RAP1B: variants seen among roughly 807,000 people sequenced by gnomAD.
RAP1B encodes the protein RAP1B, member of RAS oncogene family, also known as ras-related protein Rap-1b.
RAP1B carries 1 observed loss-of-function variant against 27.5 expected under a neutral mutation model. That is an observed-to-expected ratio of 0.04 (90% CI 0.01 to 0.17). The LOEUF is 0.17. Ranked by LOEUF, RAP1B falls within the 10% of genes least tolerant of loss-of-function variation. The pLI, the probability that RAP1B is intolerant of heterozygous loss-of-function variation, is 1.00. For missense variants in RAP1B, 84 were observed against 214.8 expected (o/e 0.39, Z 3.81); for synonymous variants, 75 against 73.1 (o/e 1.03, Z -0.13).
At chr12:68,632,213 C>G (rs1199906920) in intron 1 of RAP1B, among the ~76,000 whole-genome samples, 2 of 148,602 alleles carry the variant, frequency 1.3e-5, no homozygotes, top group Admixed American at 6.8e-5. Context: ...TCTCAGCTCA[C>G]TGCAACCTCC....
At chr12:68,650,358 C>G in intron 2 of RAP1B, 42 bp from the exon 3 acceptor site, 1 of 1,458,332 alleles carries the variant, frequency 6.9e-7, no homozygotes, top group Non-Finnish European at 9.2e-7. Flanking sequence ...TGAATGTACT[C>G]TTTTCTTTAG....
At chr12:68,616,559 C>T (rs1476475396) in intron 1 of RAP1B, among the ~76,000 whole-genome samples, 1 of 150,328 alleles carries the variant, frequency 6.7e-6, no homozygotes, top group African/African-American at 2.4e-5. Context: ...AGATCTCCTG[C>T]CTTAGCTAGT....
At chr12:68,649,476 GAATGGTATAGC>G (rs1327903355) in intron 2 of RAP1B, 1 of 152,164 alleles carries the variant, frequency 6.6e-6, no homozygotes, top group Non-Finnish European at 1.5e-5. Flanking sequence ...CTGCATCAAG[GAATGGTATAGC>G]AAGAATGAAG....
chr12:68,632,607 C>A (rs1297058417), intron 1 of RAP1B, among the ~76,000 whole-genome samples: 1 of 152,000 alleles, frequency 6.6e-6, no homozygotes, highest in African/African-American at 2.4e-5. Context: ...TTTTCACAAG[C>A]AGAGGGACTC....
chr12:68,630,455 G>T (rs1872154292), intron 1 of RAP1B, among the ~76,000 whole-genome samples: 1 of 152,096 alleles, frequency 6.6e-6, no homozygotes, highest in South Asian at 2.1e-4. Context: ...ATGGGATTTG[G>T]CCTGGGAGTT....
rs113862734 is a variant in RAP1B, at chr12:68,626,227, G to C, written c.-27+15184G>C. On this transcript the variant is annotated intron_variant, in intron 1 of 7. Coordinates refer to ENST00000250559, the MANE Select transcript of RAP1B (RefSeq NM_001010942.3). ...GGCATTCTTCCATTCATGAAAATGG[G>C]TATGCTTTGTTCTGGAGTTCTTACC... Among the ~76,000 whole-genome samples, 480 of 152,266 alleles carry C rather than the reference G, an allele frequency of 3.2e-3. 1 individual carries two copies. The highest frequency in any genetic ancestry group is 0.011 in the African/African-American group (466 of 41,550).
In RAP1B at chr12:68,650,167, G is replaced by C. The variant is rs561987762; in HGVS notation, c.58-233G>C. 4 of 284,574 alleles carry C rather than the reference G, an allele frequency of 1.4e-5. No individual in the cohort carries two copies. The South Asian group carries it at 3.6e-4, about 25-fold the overall frequency. The allele number at this position is 284,574 out of a possible 1,614,324, so 17.6% of individuals were successfully genotyped here. A position where few individuals can be genotyped will look rare whatever the true frequency, so the allele number is the denominator to read the frequency against. ...AGACATTTAAAATTTTTTAATATAT[G>C]ATCTCTAAATTTAGAATTACCCAAT... On this transcript the variant is annotated intron_variant, in intron 2 of 7. Transcript: ENST00000250559.
intron 1 of RAP1B, among the ~76,000 whole-genome samples, chr12:68,646,442 C>T (rs1441791508): frequency 6.6e-6 from 1 of 152,044 alleles, no homozygotes; most frequent in Non-Finnish European, 1.5e-5. Context: ...ATTACATGTG[C>T]CCACCACCAT....
intron 1 of RAP1B, among the ~76,000 whole-genome samples, chr12:68,615,751 TTA>T (rs944961488): frequency 7.2e-5 from 11 of 152,164 alleles, no homozygotes; most frequent in Non-Finnish European, 1.2e-4. Context: ...TACTTTTACT[TTA>T]TGTTTTTGTA....
chr12:68,657,246 T>C (rs754872979), intron 7 of RAP1B, 29 bp downstream of exon 7: 8 of 1,422,968 alleles, frequency 5.6e-6, no homozygotes, highest in East Asian at 2.3e-5. Context: ...CCTCTAACTT[T>C]TAATCACTCA....
At chr12:68,634,719 A>G (rs1239212084) in intron 1 of RAP1B, among the ~76,000 whole-genome samples, 4 of 152,170 alleles carry the variant, frequency 2.6e-5, no homozygotes, top group Non-Finnish European at 4.4e-5. Context: ...TTGTTGATAA[A>G]TTGTTACCCT....
intron 7 of RAP1B, chr12:68,657,783 TGCGCGTGA>T (rs1468831550): frequency 8.3e-6 from 1 of 121,204 alleles, no homozygotes. Context: ...CGTGCGCGCG[TGCGCGTGA>T]GCCACCGCTC....
intron 1 of RAP1B, among the ~76,000 whole-genome samples, chr12:68,638,864 G>A (rs1267563479): frequency 6.6e-6 from 1 of 152,022 alleles, no homozygotes; most frequent in Non-Finnish European, 1.5e-5. Flanking sequence ...GTTTCACCAT[G>A]TTGGCCAGCT....
In RAP1B at chr12:68,610,933, A is replaced by G; in HGVS notation, c.-137A>G. The G allele has an allele frequency of 6.5e-6, 2 of 308,584 alleles. No individual in the cohort carries two copies. The highest frequency in any genetic ancestry group is 6.0e-6 in the Non-Finnish European group (1 of 167,248). 19.1% of individuals were successfully genotyped at this position (308,584 alleles called of 1,614,324 possible). On this transcript the variant is annotated 5_prime_UTR_variant, in exon 1 of 8. Coordinates refer to ENST00000250559, the MANE Select transcript of RAP1B (RefSeq NM_001010942.3). ...AAACCTCGCCCAGATTCAGGCGTGT[A>G]AACCAGCCGGAGCGGCGCGGCAGCG...
At chr12:68,626,933 G>A in intron 1 of RAP1B, 2 of 1,547,866 alleles carry the variant, frequency 1.3e-6, no homozygotes, top group Non-Finnish European at 1.8e-6. Context: ...TGACCCGACA[G>A]CCATCTGGGA....
At chr12:68,625,011 A>T (rs1871648621) in intron 1 of RAP1B, 1 of 152,208 alleles carries the variant, frequency 6.6e-6, no homozygotes, top group Non-Finnish European at 1.5e-5. Flanking sequence ...CATTGCCTTT[A>T]TCCATTTGTT....
chr12:68,665,290 T>A lies in RAP1B; in HGVS notation c.*6041T>A, dbSNP rs924081775. ...GTGTGAAAGATAACCCAGAGAGGGGTAATGGTAGAGCCAGAATTAACACAG... is the reference window on the plus strand; with the variant it reads ...GTGTGAAAGATAACCCAGAGAGGGGAAATGGTAGAGCCAGAATTAACACAG... On this transcript the variant is annotated 3_prime_UTR_variant, in exon 8 of 8. Transcript: ENST00000250559. The A allele has an allele frequency of 6.6e-6, 1 of 152,064 alleles. No homozygotes were observed. The highest frequency in any genetic ancestry group is 1.5e-5 in the Non-Finnish European group (1 of 68,040). The allele number at this position is 152,064 out of a possible 1,614,324, so 9.4% of individuals were successfully genotyped here.
chr12:68,635,133 A>G (rs1872544291), intron 1 of RAP1B, among the ~76,000 whole-genome samples: 1 of 152,212 alleles, frequency 6.6e-6, no homozygotes, highest in Admixed American at 6.5e-5. Context: ...AGCAGTCTTC[A>G]TTTTAGCAGC....
chr12:68,617,731 T>C (rs1264878617), intron 1 of RAP1B, among the ~76,000 whole-genome samples: 1 of 152,196 alleles, frequency 6.6e-6, no homozygotes, highest in Non-Finnish European at 1.5e-5. Flanking sequence ...GCAGTATTAC[T>C]CATGAATGTT....
Sources: allele counts gnomAD v4.1 joint callset (sites outside exome capture counted in the v4.1 genomes callset), GRCh38; gene constraint gnomAD v4.1.1; transcripts MANE v1.5; gene names NCBI Gene and HGNC (gene_info 2026-07-23, HGNC 2026-07-21).